Variants in NUP205 observed in about 807,000 individuals in gnomAD.
The protein encoded by NUP205 is nucleoporin 205, also known as nuclear pore complex protein Nup205.
NUP205 carries 76 observed loss-of-function variants against 253.8 expected under a neutral mutation model. That is an observed-to-expected ratio of 0.30 (90% CI 0.25 to 0.36). The LOEUF (loss-of-function observed/expected upper bound fraction) is 0.36. NUP205 is among the 10% of genes least tolerant of loss of function. The pLI is 1.00. For missense variants in NUP205, 2,162 were observed against 2,425.5 expected (o/e 0.89, Z 2.28); for synonymous variants, 832 against 850.1 (o/e 0.98, Z 0.37).
chr7:135,559,070 A>G (rs1278479380), intron 1 of NUP205, among the ~76,000 whole-genome samples: 1 of 152,188 alleles, frequency 6.6e-6, no homozygotes, highest in Non-Finnish European at 1.5e-5. Flanking sequence ...GTTCCCGTTT[A>G]TACACCTTTG....
chr7:135,607,317 A>G lies in NUP205; in HGVS notation c.3141A>G (p.Arg1047=), dbSNP rs1584669472. 4 of 1,614,172 alleles carry G rather than the reference A, an allele frequency of 2.5e-6. No individual in the cohort carries two copies. Among genetic ancestry groups the G allele is most frequent in the Non-Finnish European group, 3.4e-6 (4 of 1,180,014 alleles). Residue 1047 remains arginine (R), a synonymous_variant, in exon 22 of 43, where the codon AGA becomes AGG. Coordinates refer to ENST00000285968, the MANE Select transcript of NUP205 (RefSeq NM_015135.3). ...TCTTGGAGAAAGGAACGGAAGGGAG[A>G]ACAGGCCCAGTGGCGGTGCGAGAAT... ...LNILEKGTEG[R]TGPVAVRESP... is the part of the protein sequence containing the mutation.
chr7:135,640,891 T>C (rs1486912831), intron 38 of NUP205, among the ~76,000 whole-genome samples: 1 of 152,154 alleles, frequency 6.6e-6, no homozygotes, highest in Non-Finnish European at 1.5e-5. Flanking sequence ...TATATAGTTC[T>C]TGTTTTCTCC....
At chr7:135,613,965 AT>A (rs1233013719) in intron 22 of NUP205, among the ~76,000 whole-genome samples, 193 bp from the exon 23 acceptor site, 1 of 151,992 alleles carries the variant, frequency 6.6e-6, no homozygotes, top group African/African-American at 2.4e-5. Context: ...ATTTCAGTGT[AT>A]TTTCTTGAGC....
intron 1 of NUP205, among the ~76,000 whole-genome samples, chr7:135,568,485 C>A (rs1200039051): frequency 1.3e-5 from 2 of 151,642 alleles, no homozygotes; most frequent in East Asian, 3.9e-4. Context: ...GTGTGCGCCA[C>A]CACTCCTGGC....
intron 6 of NUP205, 88 bp downstream of exon 6, chr7:135,578,112 C>A: frequency 1.2e-6 from 1 of 863,048 alleles, no homozygotes. Flanking sequence ...ATTTTAGCTA[C>A]TAAAATAGTC....
Position 135,576,700 on chromosome 7 carries a change from G to A in NUP205, c.489-269G>A, listed in dbSNP as rs192609162. 2.0e-3 allele frequency among the ~76,000 whole-genome samples: 312 copies of A among 152,220 alleles called. 3 individuals are homozygous for A. Among genetic ancestry groups the A allele is most frequent in the African/African-American group, 7.2e-3 (301 of 41,532 alleles). Reference sequence around the variant, plus strand: ...AGTTTTAGATCAGCCTGGGCAACATGATGAAATCCCATCTCTACAAAAAAT... The same window carrying A: ...AGTTTTAGATCAGCCTGGGCAACATAATGAAATCCCATCTCTACAAAAAAT... On this transcript the variant is annotated intron_variant, in intron 4 of 42. Transcript: ENST00000285968.
At chr7:135,624,871 C>A (rs1009798621) in intron 31 of NUP205, among the ~76,000 whole-genome samples, 1 of 152,152 alleles carries the variant, frequency 6.6e-6, no homozygotes, top group African/African-American at 2.4e-5. Context: ...TTTTCTCTAA[C>A]AAGCAATGTT....
At chr7:135,590,419 T>C (rs961500169) in intron 10 of NUP205, among the ~76,000 whole-genome samples, 1 of 151,932 alleles carries the variant, frequency 6.6e-6, no homozygotes, top group African/African-American at 2.4e-5. Context: ...CAGCCTGCTA[T>C]ATTATTTTTA....
At chr7:135,618,686 C>G in intron 28 of NUP205, 83 bp downstream of exon 28, 1 of 1,217,092 alleles carries the variant, frequency 8.2e-7, no homozygotes, top group Non-Finnish European at 1.1e-6. Context: ...AATTGTTTTC[C>G]ATTTTCGATT....
Position 135,591,562 on chromosome 7 carries a change from A to G in NUP205, c.1586A>G (p.Tyr529Cys), listed in dbSNP as rs1461516124. The change falls in exon 11 of 43, where the codon TAC (tyrosine) becomes TGC (cysteine). Residue 529 changes from tyrosine to cysteine, a missense_variant. Coordinates refer to ENST00000285968, the MANE Select transcript of NUP205 (RefSeq NM_015135.3). ...GLANGPQCAH[Y>C]CFSLLKVNGS... Reference sequence around the variant, plus strand: ...GCCAATGGGCCTCAGTGTGCCCACTACTGTTTCAGCCTGCTCAAAGTCAAT... The same window carrying G: ...GCCAATGGGCCTCAGTGTGCCCACTGCTGTTTCAGCCTGCTCAAAGTCAAT... 1.2e-6 allele frequency: 2 copies of G among 1,613,918 alleles called. No homozygotes were observed. Among genetic ancestry groups the G allele is most frequent in the Non-Finnish European group, 1.7e-6 (2 of 1,179,898 alleles).
At chr7:135,622,309 G>C (rs1298915349) in intron 30 of NUP205, among the ~76,000 whole-genome samples, 2 of 151,446 alleles carry the variant, frequency 1.3e-5, no homozygotes, top group Non-Finnish European at 2.9e-5. Context: ...TGTAGTCCCA[G>C]CTACTGGGGA....
chr7:135,579,524 A>C (rs994075992), intron 7 of NUP205, among the ~76,000 whole-genome samples: 15 of 152,098 alleles, frequency 9.9e-5, no homozygotes, highest in Non-Finnish European at 1.9e-4. Flanking sequence ...AAAATATACT[A>C]TTCCTTTTAT....
intron 16 of NUP205, 93 bp downstream of exon 16, chr7:135,601,062 T>A: frequency 1.5e-6 from 1 of 651,140 alleles, no homozygotes; most frequent in Non-Finnish European, 2.6e-6. Context: ...ATTATACTTT[T>A]AAATTAGAAT....
At position 135,619,516 on chromosome 7, in the gene NUP205, G is replaced by A; in HGVS notation, c.4057G>A (p.Glu1353Lys). 6.2e-7 allele frequency: 1 copy of A among 1,614,100 alleles called. No homozygotes were observed. The highest frequency in any genetic ancestry group is 2.2e-5 in the East Asian group (1 of 44,864). The stretch of plus-strand genomic sequence containing the variant: ...TCACCTAAGCCAGGCCGTCCTCACT[G>A]AACAGAAGGAAACATCAGTCTTGGG... ...TAHLSQAVLT[E>K]QKETSVLGPA... Residue 1353 changes from glutamate (E) to lysine (K), a missense_variant, in exon 29 of 43, where the codon GAA becomes AAA. Physicochemically the swap from Glu to Lys is moderately conservative, Grantham distance 56. Coordinates refer to ENST00000285968, the MANE Select transcript of NUP205 (RefSeq NM_015135.3).
chr7:135,644,066 G>A (rs1408560169), intron 39 of NUP205, among the ~76,000 whole-genome samples: 1 of 152,154 alleles, frequency 6.6e-6, no homozygotes, highest in Non-Finnish European at 1.5e-5. Flanking sequence ...AAACTCAGGG[G>A]ACATTTATTG....
intron 1 of NUP205, among the ~76,000 whole-genome samples, chr7:135,566,508 A>G (rs533811223): frequency 6.6e-6 from 1 of 152,312 alleles, no homozygotes; most frequent in African/African-American, 2.4e-5. Flanking sequence ...AGAAGATTGG[A>G]AAGTGTGGGA....
chr7:135,597,163 G>T, intron 13 of NUP205: 1 of 464,002 alleles, frequency 2.2e-6, no homozygotes, highest in Non-Finnish European at 3.9e-6. Flanking sequence ...CCAATTTTCA[G>T]AACCCCAGAC....
rs534550801 is a variant in NUP205, at chr7:135,644,028, G to C, written c.5559+670G>C. Among the ~76,000 whole-genome samples the C allele has an allele frequency of 6.6e-5, 10 of 152,342 alleles. No homozygotes were observed. The East Asian group carries it at 1.9e-3, about 29-fold the overall frequency. ...CATGTTACTCTTATGAGTAGTCCAT[G>C]CCTACTCCCTCTTGCCACTTTTCTG... On this transcript the variant is annotated intron_variant, in intron 39 of 42. Coordinates refer to ENST00000285968, the MANE Select transcript of NUP205 (RefSeq NM_015135.3).
rs73452458 is a variant in NUP205, at chr7:135,602,119, A to T, written c.2512+612A>T. Among the ~76,000 whole-genome samples the T allele has an allele frequency of 1.5e-4, 23 of 152,326 alleles. No homozygotes were observed. In the East Asian group the frequency reaches 4.4e-3, roughly 29 times the overall value. On this transcript the variant is annotated intron_variant, in intron 17 of 42. Transcript: ENST00000285968. ...TCCAGAGCTCATGCTTTTTACCACG[A>T]TGCTATATTACCTCTACTTAATGTG... is the stretch of plus-strand genomic sequence containing the variant.
Sources: gnomAD v4.1 joint callset for allele counts (sites outside exome capture counted in the v4.1 genomes callset) on GRCh38, gnomAD v4.1.1 for gene constraint, MANE v1.5 for transcripts, NCBI Gene and HGNC (gene_info 2026-07-23, HGNC 2026-07-21) for gene names.